MICU1: variants seen among roughly 807,000 people sequenced by gnomAD.
MICU1 encodes the protein calcium uptake protein 1, mitochondrial.
A neutral mutation model predicts 56.8 loss-of-function variants in MICU1; 45 were observed. The ratio of observed to expected loss-of-function variants is 0.79; its 90% confidence interval spans 0.62 to 1.02. The LOEUF (loss-of-function observed/expected upper bound fraction) is 1.02, where lower values mean the gene tolerates loss of function less well. Among genes scored for constraint, MICU1 ranks in the 50% least tolerant of loss-of-function variants. The pLI is 0.00. For synonymous variants in MICU1, 186 were observed against 195.1 expected (o/e 0.95, Z 0.39); for missense variants, 504 against 587.1 (o/e 0.86, Z 1.46).
intron 1 of MICU1, among the ~76,000 whole-genome samples, chr10:72,595,020 T>C (rs529998105): frequency 1.3e-5 from 2 of 151,374 alleles, no homozygotes; most frequent in South Asian, 4.2e-4. Flanking sequence ...TATAAGCATA[T>C]TGAAGTATCA....
chr10:72,581,503 C>T (rs905286387), intron 1 of MICU1, among the ~76,000 whole-genome samples: 3 of 152,076 alleles, frequency 2.0e-5, no homozygotes, highest in African/African-American at 4.8e-5. Context: ...TGGTGCCTGC[C>T]GGTAATCCCA....
At chr10:72,390,541 G>A (rs916549683) in intron 10 of MICU1, among the ~76,000 whole-genome samples, 1 of 151,906 alleles carries the variant, frequency 6.6e-6, no homozygotes, top group Non-Finnish European at 1.5e-5. Context: ...AGTATACAGT[G>A]TTCTTCACAA....
intron 1 of MICU1, among the ~76,000 whole-genome samples, chr10:72,577,854 T>A (rs942406090): frequency 6.6e-6 from 1 of 152,154 alleles, no homozygotes; most frequent in African/African-American, 2.4e-5. Context: ...TTCTTCTGGA[T>A]GAACAAATAA....
At chr10:72,615,799 G>A (rs1000951042) in intron 1 of MICU1, among the ~76,000 whole-genome samples, 1 of 152,022 alleles carries the variant, frequency 6.6e-6, no homozygotes, top group African/African-American at 2.4e-5. Context: ...GACCATCCTG[G>A]CTAACACAGT....
chr10:72,425,924 T>G (rs780185031), intron 8 of MICU1, among the ~76,000 whole-genome samples: 15 of 152,200 alleles, frequency 9.9e-5, no homozygotes, highest in Non-Finnish European at 1.8e-4. Context: ...TCAAGGGCAA[T>G]AGCTAGACAT....
chr10:72,610,907 G>A (rs1359026924), intron 1 of MICU1, among the ~76,000 whole-genome samples: 3 of 152,018 alleles, frequency 2.0e-5, no homozygotes, highest in African/African-American at 7.2e-5. Flanking sequence ...ACTAGCCAAA[G>A]GAAAAACTGT....
At chr10:72,500,290 ATATATATATATATTTT>A (rs1867011050) in intron 6 of MICU1, among the ~76,000 whole-genome samples, 1 of 7,784 alleles carries the variant, frequency 1.3e-4, no homozygotes, top group African/African-American at 2.1e-4. Flanking sequence ...ATATATATAT[ATATATATATATATTTT>A]TTTTTTTTTT....
intron 11 of MICU1, among the ~76,000 whole-genome samples, chr10:72,370,068 T>C (rs1048215952): frequency 6.6e-6 from 1 of 152,092 alleles, no homozygotes; most frequent in Admixed American, 6.5e-5. Context: ...TTAGTAGAGA[T>C]GGGTTTCACC....
chr10:72,431,748 A>G (rs1301855282), intron 8 of MICU1, among the ~76,000 whole-genome samples: 1 of 152,216 alleles, frequency 6.6e-6, no homozygotes, highest in African/African-American at 2.4e-5. Flanking sequence ...TAAAAATGGT[A>G]GAGATAAACT....
intron 3 of MICU1, among the ~76,000 whole-genome samples, chr10:72,556,737 C>T (rs887716198): frequency 3.9e-5 from 6 of 152,032 alleles, no homozygotes; most frequent in Admixed American, 2.0e-4. Context: ...AAAAGCATAT[C>T]TGTAAAAATT....
chr10:72,518,805 C>T (rs538876383), intron 5 of MICU1, among the ~76,000 whole-genome samples: 5 of 152,202 alleles, frequency 3.3e-5, no homozygotes, highest in South Asian at 4.1e-4. Context: ...TTCAGTCTCC[C>T]GAGTAGCTGG....
chr10:72,419,315 G>A (rs540981069), intron 9 of MICU1, among the ~76,000 whole-genome samples: 3 of 152,264 alleles, frequency 2.0e-5, no homozygotes, highest in Admixed American at 2.0e-4. Flanking sequence ...ACAGATATAA[G>A]CTAAGTATTG....
At position 72,448,193 on chromosome 10, in the gene MICU1, A is replaced by ATTTTTTTTT. The variant is rs71018289; in HGVS notation, c.934-24831_934-24823dup. Among the ~76,000 whole-genome samples the ATTTTTTTTT allele has an allele frequency of 8.1e-4, 30 of 36,836 alleles. 2 individuals carry two copies. The highest frequency in any genetic ancestry group is 1.3e-3 in the Non-Finnish European group (28 of 21,216). The allele number at this position is 36,836 out of a possible 152,430, so 24.2% of individuals were successfully genotyped here. On this transcript the variant is annotated intron_variant, in intron 8 of 11. Transcript: ENST00000361114. ...TGTGTGTATATATATATATATATAT[A>ATTTTTTTTT]TTTTTTTTTTTTTTTTTTTTTTTTG...
chr10:72,520,569 T>C lies in MICU1; in HGVS notation c.538-12300A>G, dbSNP rs34083046. 6.3e-3 allele frequency among the ~76,000 whole-genome samples: 952 copies of C among 152,256 alleles called. 15 individuals are homozygous for C. Among genetic ancestry groups the C allele is most frequent in the Non-Finnish European group, 7.3e-3 (497 of 67,980 alleles). On this transcript the variant is annotated intron_variant, in intron 5 of 11. Coordinates refer to ENST00000361114, the MANE Select transcript of MICU1 (RefSeq NM_001195518.2). ...CAAACTGGAAGGTGAATGCTTAAGA[T>C]ACTGTAAACTTCACTATGCCAGAAA...
intron 6 of MICU1, among the ~76,000 whole-genome samples, chr10:72,479,144 G>A (rs897739563): frequency 6.6e-6 from 1 of 152,152 alleles, no homozygotes; most frequent in Non-Finnish European, 1.5e-5. Flanking sequence ...AACAGAGGAG[G>A]ATATTGGGGC....
At position 72,577,231 on chromosome 10, in the gene MICU1, T is replaced by A. The variant is rs149683424; in HGVS notation, c.-1-10437A>T. Among the ~76,000 whole-genome samples, 1,016 of 151,996 alleles carry A rather than the reference T, an allele frequency of 6.7e-3. 10 individuals are homozygous for A. Among genetic ancestry groups the A allele is most frequent in the African/African-American group, 0.023 (968 of 41,472 alleles). ...GGATAAAAGACTACATATTGAAGCCTGGGCATGGTGGCTCATGTCTGTAAT... is the reference window on the plus strand; with the variant it reads ...GGATAAAAGACTACATATTGAAGCCAGGGCATGGTGGCTCATGTCTGTAAT... On this transcript the variant is annotated intron_variant, in intron 1 of 11. Coordinates refer to ENST00000361114, the MANE Select transcript of MICU1 (RefSeq NM_001195518.2).
At chr10:72,579,172 A>G (rs1840832336) in intron 1 of MICU1, among the ~76,000 whole-genome samples, 1 of 152,122 alleles carries the variant, frequency 6.6e-6, no homozygotes, top group Non-Finnish European at 1.5e-5. Context: ...AATATTGTAC[A>G]TTGTCTTAGT....
At chr10:72,592,664 T>G (rs1283367995) in intron 1 of MICU1, among the ~76,000 whole-genome samples, 1 of 152,152 alleles carries the variant, frequency 6.6e-6, no homozygotes, top group Non-Finnish European at 1.5e-5. Context: ...CCAAGGATGG[T>G]TCAACAGATG....
intron 10 of MICU1, among the ~76,000 whole-genome samples, chr10:72,400,234 G>T (rs1429569474): frequency 6.6e-6 from 1 of 152,058 alleles, no homozygotes; most frequent in Non-Finnish European, 1.5e-5. Context: ...TCATTTGAAA[G>T]AAACATTTTT....
Sources: allele counts gnomAD v4.1 joint callset (sites outside exome capture counted in the v4.1 genomes callset), GRCh38; gene constraint gnomAD v4.1.1; transcripts MANE v1.5; gene names NCBI Gene and HGNC (gene_info 2026-07-23, HGNC 2026-07-21).